Variants in SPECC1L observed in about 807,000 individuals in gnomAD.
SPECC1L encodes sperm antigen with calponin homology and coiled-coil domains 1 like.
In SPECC1L, 40 loss-of-function variants were observed where a neutral mutation model predicts 116.8. That is an observed-to-expected ratio of 0.34 (90% CI 0.27 to 0.45). SPECC1L has a LOEUF of 0.45. Among genes scored for constraint, SPECC1L ranks in the 20% least tolerant of loss-of-function variants. SPECC1L has a pLI of 1.00. For synonymous variants in SPECC1L, 504 were observed against 500.6 expected, an observed-to-expected ratio of 1.01 and a Z score of -0.09; for missense variants, 1,110 against 1,373.6, an observed-to-expected ratio of 0.81 and a Z score of 3.03.
chr22:24,339,615 A>G (rs755987061), intron 10 of SPECC1L, among the ~76,000 whole-genome samples: 1 of 152,146 alleles, frequency 6.6e-6, no homozygotes, highest in Non-Finnish European at 1.5e-5. Flanking sequence ...CCTAAACCCC[A>G]TTATCCTGTG....
rs961990425 is a variant in SPECC1L at position 24,322,350 on chromosome 22, A to C, written c.1370A>C (p.Glu457Ala). The change falls in exon 5 of 17, where the codon GAA (glutamate) becomes GCA (alanine). Residue 457 changes from glutamate to alanine, a missense_variant. This residue lies in a region of SPECC1L where 575 missense variants were observed against 682.4 expected (regional missense o/e 0.84). Coordinates refer to ENST00000314328, the MANE Select transcript of SPECC1L (RefSeq NM_015330.6). The part of the protein sequence containing the change: ...ESLCQQSDKL[E>A]HFSRQIEYFR... ...TTATGTCAGCAGAGCGATAAGTTGGAACACTTTAGTCGACAGATTGAATAC... is the reference window on the plus strand; with the variant it reads ...TTATGTCAGCAGAGCGATAAGTTGGCACACTTTAGTCGACAGATTGAATAC... 2.5e-6 allele frequency: 4 copies of C among 1,614,104 alleles called. No homozygotes were observed. In the African/African-American group the frequency reaches 4.0e-5, roughly 16 times the overall value.
intron 10 of SPECC1L, among the ~76,000 whole-genome samples, chr22:24,340,896 C>T (rs1156428502): frequency 2.0e-5 from 3 of 152,224 alleles, no homozygotes; most frequent in Non-Finnish European, 4.4e-5. Context: ...GAGTAACAGG[C>T]TGGATTATTC....
At chr22:24,363,860 A>G (rs2041694309) in intron 12 of SPECC1L, among the ~76,000 whole-genome samples, 1 of 121,874 alleles carries the variant, frequency 8.2e-6, no homozygotes, top group South Asian at 2.6e-4. Context: ...GCAGAGTTAC[A>G]TTCTGCTTGT....
intron 8 of SPECC1L, among the ~76,000 whole-genome samples, chr22:24,331,569 T>C (rs947522137): frequency 6.6e-6 from 1 of 152,226 alleles, no homozygotes; most frequent in African/African-American, 2.4e-5. Context: ...ACACATGTTT[T>C]TAAAATGCTT....
chr22:24,326,697 G>A (rs916859144), intron 6 of SPECC1L, among the ~76,000 whole-genome samples: 1 of 152,016 alleles, frequency 6.6e-6, no homozygotes, highest in Non-Finnish European at 1.5e-5. Context: ...AAAAAGCCTG[G>A]TACAAAGTTG....
At chr22:24,323,007 T>C (rs1467274473) in intron 5 of SPECC1L, 89 bp downstream of exon 5, 3 of 1,549,686 alleles carry the variant, frequency 1.9e-6, no homozygotes, top group African/African-American at 2.8e-5. Context: ...ACTGGTTTGG[T>C]TTGGTGTGTT....
chr22:24,409,786 T>G (rs2042657448), intron 14 of SPECC1L, among the ~76,000 whole-genome samples: 1 of 152,244 alleles, frequency 6.6e-6, no homozygotes, highest in South Asian at 2.1e-4. Context: ...TTCACTGCTT[T>G]GGAGGCTGAG....
At chr22:24,293,192 A>G (rs1361979941) in intron 2 of SPECC1L, among the ~76,000 whole-genome samples, 1 of 152,230 alleles carries the variant, frequency 6.6e-6, no homozygotes, top group Non-Finnish European at 1.5e-5. Flanking sequence ...ACAGTGGCTC[A>G]TGCCTGTAAT....
In SPECC1L at chr22:24,416,254, C is replaced by T. The variant is rs371774417; in HGVS notation, c.*1631C>T. The T allele has an allele frequency of 2.0e-5, 3 of 152,376 alleles. 1 individual carries two copies. Among genetic ancestry groups the T allele is most frequent in the East Asian group, 1.9e-4 (1 of 5,186 alleles). 9.4% of individuals were successfully genotyped at this position (152,376 alleles called of 1,614,324 possible). Reference sequence around the variant, plus strand: ...CCAGAAGCTGCCCATCAGCCCTGCCCAGATGTCAGCCTGGGAGCTCAGGCT... The same window carrying T: ...CCAGAAGCTGCCCATCAGCCCTGCCTAGATGTCAGCCTGGGAGCTCAGGCT... On this transcript the variant is annotated 3_prime_UTR_variant, in exon 17 of 17. Coordinates refer to ENST00000314328, the MANE Select transcript of SPECC1L (RefSeq NM_015330.6).
chr22:24,318,121 G>GC (rs202038065), intron 4 of SPECC1L, among the ~76,000 whole-genome samples: 17,357 of 150,456 alleles, frequency 0.12, 2,325 homozygotes, highest in African/African-American at 0.32. Context: ...AGACGGGGTG[G>GC]GGCCGGGCAG....
At chr22:24,409,673 A>G (rs945348927) in intron 14 of SPECC1L, among the ~76,000 whole-genome samples, 1 of 152,198 alleles carries the variant, frequency 6.6e-6, no homozygotes, top group Non-Finnish European at 1.5e-5. Flanking sequence ...ATAATAAAAA[A>G]TGAATTATAT....
intron 3 of SPECC1L, among the ~76,000 whole-genome samples, chr22:24,311,796 C>G (rs957149605): frequency 1.3e-4 from 13 of 98,844 alleles, no homozygotes; most frequent in African/African-American, 5.3e-4. Context: ...CAGAGTGAGA[C>G]TTTGTCTCAA....
intron 4 of SPECC1L, among the ~76,000 whole-genome samples, chr22:24,313,798 G>A (rs943017247): frequency 2.0e-5 from 3 of 150,080 alleles, no homozygotes; most frequent in African/African-American, 7.4e-5. Context: ...AAGTGCAATG[G>A]TGCCATCTTG....
At chr22:24,407,109 C>T (rs1388607772) in intron 14 of SPECC1L, among the ~76,000 whole-genome samples, 1 of 152,208 alleles carries the variant, frequency 6.6e-6, no homozygotes. Context: ...GCCTTGGAGC[C>T]ACGTGCAGCA....
chr22:24,283,076 C>T (rs2048975893), intron 2 of SPECC1L, among the ~76,000 whole-genome samples: 1 of 150,016 alleles, frequency 6.7e-6, no homozygotes, highest in Non-Finnish European at 1.5e-5. Flanking sequence ...CTGTGCCTGG[C>T]CGATAACTTT....
chr22:24,391,390 G>A (rs1249076413), intron 14 of SPECC1L, among the ~76,000 whole-genome samples: 1 of 152,116 alleles, frequency 6.6e-6, no homozygotes, highest in East Asian at 1.9e-4. Flanking sequence ...AGAAATTTCA[G>A]GGCTGTAATT....
chr22:24,294,461 A>T (rs2049219095), intron 2 of SPECC1L, among the ~76,000 whole-genome samples: 1 of 149,152 alleles, frequency 6.7e-6, no homozygotes, highest in Non-Finnish European at 1.5e-5. Flanking sequence ...GGCTCATTGC[A>T]ACCTCTGCCT....
At chr22:24,317,716 C>T (rs1268652725) in intron 4 of SPECC1L, among the ~76,000 whole-genome samples, 7 of 152,226 alleles carry the variant, frequency 4.6e-5, no homozygotes, top group African/African-American at 1.7e-4. Flanking sequence ...ATGCTCCTCA[C>T]TTCCCAGACG....
At chr22:24,319,627 A>G (rs1187553234) in intron 4 of SPECC1L, among the ~76,000 whole-genome samples, 1 of 152,156 alleles carries the variant, frequency 6.6e-6, no homozygotes, top group Non-Finnish European at 1.5e-5. Context: ...TTGGGACTCT[A>G]TATGAACATT....
Sources: allele counts gnomAD v4.1 joint callset (sites outside exome capture counted in the v4.1 genomes callset), GRCh38; gene constraint gnomAD v4.1.1; regional missense constraint gnomAD v4.1.1; transcripts MANE v1.5; gene names NCBI Gene and HGNC (gene_info 2026-07-23, HGNC 2026-07-21).